The following FGD2 variants were observed in gnomAD, a reference collection of about 807,000 sequenced individuals.
FGD2 encodes FYVE, RhoGEF and PH domain containing 2.
A neutral mutation model predicts 75.9 loss-of-function variants in FGD2; 52 were observed. That is an observed-to-expected ratio of 0.69 (90% CI 0.55 to 0.86). FGD2 has a LOEUF of 0.86. Ranked by LOEUF, FGD2 falls within the 40% of genes least tolerant of loss-of-function variation. The pLI is 0.00. For missense variants in FGD2, 790 were observed against 872.0 expected (o/e 0.91, Z 1.18); for synonymous variants, 347 against 348.6 (o/e 1.00, Z 0.05).
chr6:37,026,034 A>G lies in FGD2; in HGVS notation c.1605+96A>G. 3 of 1,519,004 alleles carry G rather than the reference A, an allele frequency of 2.0e-6. No individual in the cohort carries two copies. The East Asian group carries it at 7.2e-5, about 37-fold the overall frequency. The allele number at this position is 1,519,004 out of a possible 1,614,324, so 94.1% of individuals were successfully genotyped here. A position where few individuals can be genotyped will look rare whatever the true frequency, so the allele number is the denominator to read the frequency against. The stretch of plus-strand genomic sequence containing the variant: ...GGCTGACACTGTCCAGTGCTGAGGA[A>G]CAAGCCAGCCATGGTCACACCCTCC... On this transcript the variant is annotated intron_variant, in intron 14 of 15. Transcript: ENST00000274963.
chr6:37,017,193 G>A (rs373766831), intron 9 of FGD2, among the ~76,000 whole-genome samples: 17 of 151,884 alleles, frequency 1.1e-4, no homozygotes, highest in Admixed American at 7.2e-4. Context: ...GCTGCATTGC[G>A]TCCCACTGTG....
intron 6 of FGD2, 192 bp from the exon 7 acceptor site, chr6:37,014,454 G>C (rs1353225241): frequency 1.5e-6 from 1 of 663,974 alleles, no homozygotes; most frequent in African/African-American, 1.8e-5. Context: ...CTAACGTTCA[G>C]TGGCTTCCAG....
At chr6:37,012,377 T>C (rs1408832335) in intron 4 of FGD2, among the ~76,000 whole-genome samples, 3 of 152,212 alleles carry the variant, frequency 2.0e-5, no homozygotes, top group African/African-American at 7.2e-5. Context: ...TAGTGATGTA[T>C]TGATTGCTTA....
At chr6:37,025,477 C>T in intron 13 of FGD2, 1 of 377,730 alleles carries the variant, frequency 2.6e-6, no homozygotes, top group South Asian at 3.5e-5. Flanking sequence ...GGGCAAGCCC[C>T]TTGGGTTCAC....
chr6:37,013,368 A>G, intron 4 of FGD2: 1 of 1,165,800 alleles, frequency 8.6e-7, no homozygotes, highest in Admixed American at 3.5e-5. Context: ...TGGGCCCAAC[A>G]CTGTGCCGGG....
chr6:37,012,983 T>TATATATGTATATATAC (rs1765086609), intron 4 of FGD2: 1 of 150,532 alleles, frequency 6.6e-6, no homozygotes, highest in African/African-American at 2.4e-5. Flanking sequence ...TGTGTGTGTG[T>TATATATGTATATATAC]GTGTATACAT....
chr6:37,016,946 G>A (rs1043334594), intron 9 of FGD2, among the ~76,000 whole-genome samples: 13 of 152,178 alleles, frequency 8.5e-5, no homozygotes, highest in East Asian at 5.8e-4. Flanking sequence ...GTCTCCGCCC[G>A]ACTCTATCCC....
At chr6:37,011,261 G>T in intron 3 of FGD2, 1 of 605,728 alleles carries the variant, frequency 1.7e-6, no homozygotes, top group Non-Finnish European at 2.9e-6. Context: ...GTGGTGCCCA[G>T]GCTGGCCCCT....
chr6:37,015,165 C>A, intron 8 of FGD2, 127 bp downstream of exon 8: 1 of 1,306,922 alleles, frequency 7.7e-7, no homozygotes, highest in Non-Finnish European at 1.0e-6. Flanking sequence ...GCTTCTCTGT[C>A]TTTTTCTGCT....
At position 37,026,380 on chromosome 6, in the gene FGD2, G is replaced by A. The variant is rs1765822677; in HGVS notation, c.1605+442G>A. ...TGGAAGGGACTCCAGGGGCCAGTCGGTCTTATCCCATGGAGACCCAGGGCT... is the reference window on the plus strand; with the variant it reads ...TGGAAGGGACTCCAGGGGCCAGTCGATCTTATCCCATGGAGACCCAGGGCT... On this transcript the variant is annotated intron_variant, in intron 14 of 15. Coordinates refer to ENST00000274963, the MANE Select transcript of FGD2 (RefSeq NM_173558.4). 2.1e-5 allele frequency: 21 copies of A among 985,288 alleles called. No individual in the cohort carries two copies. In the South Asian group the frequency reaches 9.4e-4, roughly 44 times the overall value. 61.0% of individuals were successfully genotyped at this position (985,288 alleles called of 1,614,324 possible).
At chr6:37,017,038 T>C (rs1547571) in intron 9 of FGD2, among the ~76,000 whole-genome samples, 82,668 of 151,860 alleles carry the variant, frequency 0.54, 22,883 homozygotes, top group East Asian at 0.73. Flanking sequence ...CAATAACATA[T>C]AATAGGATTG....
chr6:37,021,661 C>G (rs1386765542), intron 12 of FGD2, 57 bp downstream of exon 12: 1 of 1,472,742 alleles, frequency 6.8e-7, no homozygotes, highest in Non-Finnish European at 9.4e-7. Flanking sequence ...AGAGCTTGTT[C>G]CCTCTCTGTT....
intron 2 of FGD2, 113 bp from the exon 3 acceptor site, chr6:37,010,860 C>G: frequency 9.8e-7 from 1 of 1,017,636 alleles, no homozygotes; most frequent in Non-Finnish European, 1.5e-6. Flanking sequence ...CCATGAATCC[C>G]GGGAGGCATG....
At position 37,022,260 on chromosome 6, in the gene FGD2, C is replaced by A; in HGVS notation, c.1348C>A (p.Leu450Ile). 1 of 1,594,592 alleles carries A rather than the reference C, an allele frequency of 6.3e-7. No individual in the cohort carries two copies. Among genetic ancestry groups the A allele is most frequent in the Non-Finnish European group, 8.5e-7 (1 of 1,170,486 alleles). The change falls in exon 13 of 16, where the codon CTC becomes ATC. Residue 450 changes from leucine to isoleucine, a missense_variant. Physicochemically the swap from Leu to Ile is conservative, Grantham distance 5. Coordinates refer to ENST00000274963, the MANE Select transcript of FGD2 (RefSeq NM_173558.4). The stretch of plus-strand genomic sequence containing the variant: ...ACAGCTGCAGTCTGAGGAGCTGGGC[C>A]TCCGGGCACCGCAGTGGGTCCGGGA... Reference protein sequence around the residue: ...EQELQSEELGLRAPQWVRDKM... With the variant: ...EQELQSEELGIRAPQWVRDKM...
At position 37,015,817 on chromosome 6, in the gene FGD2, C is replaced by T; in HGVS notation, c.1079C>T (p.Ala360Val). The change falls in exon 9 of 16, where the codon GCC (alanine) becomes GTC (valine). Residue 360 changes from alanine (A) to valine (V), a missense_variant. Transcript: ENST00000274963. ...YCVPRVIQVG[A>V]QFQVRTRIDV... is the part of the protein sequence containing the mutation. ...GTGCCCAGGGTGATCCAGGTGGGCG[C>T]CCAGTTCCAGGTGAGGACCCGCATC... 1 of 1,596,498 alleles carries T rather than the reference C, an allele frequency of 6.3e-7. No individual in the cohort carries two copies. The highest frequency in any genetic ancestry group is 8.5e-7 in the Non-Finnish European group (1 of 1,172,378).
intron 7 of FGD2, 79 bp from the exon 8 acceptor site, chr6:37,014,813 C>G: frequency 6.2e-7 from 1 of 1,609,132 alleles, no homozygotes; most frequent in Non-Finnish European, 8.5e-7. Context: ...CCCCCCAGTC[C>G]CCGTCCCCAC....
At chr6:37,020,075 C>T (rs1208515120) in intron 9 of FGD2, among the ~76,000 whole-genome samples, 2 of 152,206 alleles carry the variant, frequency 1.3e-5, no homozygotes, top group East Asian at 3.9e-4. Context: ...TGTTCTCAAA[C>T]TCCTGGCCTC....
chr6:37,013,936 G>A (rs374762712), intron 5 of FGD2, 26 bp from the exon 6 acceptor site: 44 of 1,609,038 alleles, frequency 2.7e-5, no homozygotes, highest in Admixed American at 5.0e-5. Flanking sequence ...CACCCTCTCC[G>A]TGTTGCTCCC....
chr6:37,008,828 C>T lies in FGD2; in HGVS notation c.69-6C>T. Reference sequence around the variant, plus strand: ...GGAAGCCCTCAGGTCTGTCTCTTCTCCTCAGGACCCCAGAAGCAGCACCCA... The same window carrying T: ...GGAAGCCCTCAGGTCTGTCTCTTCTTCTCAGGACCCCAGAAGCAGCACCCA... On this transcript the variant is annotated splice_region_variant and splice_polypyrimidine_tract_variant and intron_variant, in intron 1 of 15. Coordinates refer to ENST00000274963, the MANE Select transcript of FGD2 (RefSeq NM_173558.4). 1 of 1,575,864 alleles carries T rather than the reference C, an allele frequency of 6.3e-7. No individual in the cohort carries two copies. The highest frequency in any genetic ancestry group is 8.6e-7 in the Non-Finnish European group (1 of 1,158,208).
Sources: gnomAD v4.1 joint callset for allele counts (sites outside exome capture counted in the v4.1 genomes callset) on GRCh38, gnomAD v4.1.1 for gene constraint, MANE v1.5 for transcripts, NCBI Gene and HGNC (gene_info 2026-07-23, HGNC 2026-07-21) for gene names.